ZDHHC17: variants seen among roughly 807,000 people sequenced by gnomAD.
ZDHHC17 encodes the protein palmitoyltransferase ZDHHC17.
In ZDHHC17, 40 loss-of-function variants were observed where a neutral mutation model predicts 90.3. The ratio of observed to expected loss-of-function variants is 0.44; its 90% CI spans 0.34 to 0.58. ZDHHC17 has a LOEUF of 0.58. ZDHHC17 is among the 20% of genes least tolerant of loss of function. ZDHHC17 has a pLI of 0.01. For missense variants in ZDHHC17, 614 were observed against 780.8 expected (o/e 0.79, Z 2.55); for synonymous variants, 235 against 252.4 (o/e 0.93, Z 0.65).
chr12:76,799,983 T>G (rs1952867434), intron 2 of ZDHHC17, among the ~76,000 whole-genome samples: 1 of 152,214 alleles, frequency 6.6e-6, no homozygotes, highest in African/African-American at 2.4e-5. Flanking sequence ...TTATACAATG[T>G]TTTTTATGTT....
chr12:76,826,849 T>C, intron 8 of ZDHHC17, 59 bp from the exon 9 acceptor site: 1 of 1,458,970 alleles, frequency 6.9e-7, no homozygotes, highest in African/African-American at 1.5e-5. Context: ...GTAACAATGA[T>C]TCAGATTGAG....
At chr12:76,811,653 G>T (rs1268851131) in intron 5 of ZDHHC17, among the ~76,000 whole-genome samples, 3 of 151,774 alleles carry the variant, frequency 2.0e-5, no homozygotes, top group Non-Finnish European at 2.9e-5. Context: ...TGCACACAAA[G>T]ATAATAAATG....
intron 2 of ZDHHC17, among the ~76,000 whole-genome samples, chr12:76,803,269 A>T (rs866212785): frequency 3.0e-4 from 46 of 152,232 alleles, no homozygotes; most frequent in Middle Eastern, 6.8e-3. Context: ...GAAAAAAAAA[A>T]TTACATGAGA....
chr12:76,846,734 A>G, intron 14 of ZDHHC17, 55 bp downstream of exon 14: 4 of 1,395,564 alleles, frequency 2.9e-6, no homozygotes, highest in Non-Finnish European at 4.0e-6. Context: ...TACTTAGATT[A>G]TACTTACCAC....
intron 6 of ZDHHC17, among the ~76,000 whole-genome samples, chr12:76,815,417 C>G (rs916878374): frequency 4.0e-5 from 6 of 151,714 alleles, no homozygotes; most frequent in Non-Finnish European, 5.9e-5. Flanking sequence ...ATCTGTTTCT[C>G]TTTTAACAAT....
intron 1 of ZDHHC17, among the ~76,000 whole-genome samples, chr12:76,776,234 G>A (rs996559290): frequency 2.0e-5 from 3 of 152,026 alleles, no homozygotes; most frequent in African/African-American, 7.3e-5. Context: ...GTTGAATAAT[G>A]TATAAATTTT....
chr12:76,792,760 G>T (rs886258570), intron 1 of ZDHHC17, among the ~76,000 whole-genome samples: 2 of 151,714 alleles, frequency 1.3e-5, no homozygotes, highest in Non-Finnish European at 2.9e-5. Context: ...GTTCCCCTTA[G>T]AACTTGGAGA....
chr12:76,832,500 A>G (rs563497665), intron 10 of ZDHHC17, among the ~76,000 whole-genome samples: 16 of 152,366 alleles, frequency 1.1e-4, no homozygotes, highest in Admixed American at 8.5e-4. Context: ...TTAGGTTCCT[A>G]TGTGGCTCTG....
intron 7 of ZDHHC17, among the ~76,000 whole-genome samples, chr12:76,818,202 T>C (rs1157276665): frequency 6.6e-6 from 1 of 152,196 alleles, no homozygotes; most frequent in Non-Finnish European, 1.5e-5. Flanking sequence ...ATTACCTGTA[T>C]CTACACTGGT....
intron 5 of ZDHHC17, among the ~76,000 whole-genome samples, chr12:76,811,259 CT>C (rs1426947608): frequency 6.6e-6 from 1 of 152,160 alleles, no homozygotes; most frequent in Non-Finnish European, 1.5e-5. Context: ...GGAGATTATT[CT>C]TGTTATTCTG....
chr12:76,834,119 A>T (rs1247008926), intron 10 of ZDHHC17, among the ~76,000 whole-genome samples: 1 of 152,218 alleles, frequency 6.6e-6, no homozygotes, highest in Non-Finnish European at 1.5e-5. Flanking sequence ...AAGAGCTGGA[A>T]GTGAATATGT....
At chr12:76,774,260 A>ATGTGTG (rs1402270012) in intron 1 of ZDHHC17, among the ~76,000 whole-genome samples, 1 of 78,830 alleles carries the variant, frequency 1.3e-5, no homozygotes, top group Admixed American at 1.5e-4. Context: ...AAAATAAAGA[A>ATGTGTG]TGTGTGTGTA....
chr12:76,785,586 A>G (rs117862862), intron 1 of ZDHHC17, among the ~76,000 whole-genome samples: 1,681 of 152,260 alleles, frequency 0.011, 11 homozygotes, highest in Non-Finnish European at 0.017. Flanking sequence ...ATCCTTAGTC[A>G]TCTGTAATAA....
intron 1 of ZDHHC17, among the ~76,000 whole-genome samples, chr12:76,766,140 G>C (rs1303055091): frequency 6.6e-6 from 1 of 152,222 alleles, no homozygotes; most frequent in African/African-American, 2.4e-5. Context: ...GTATAGGCTT[G>C]AAATTTAGCT....
intron 1 of ZDHHC17, among the ~76,000 whole-genome samples, chr12:76,774,682 C>T (rs1459527140): frequency 6.6e-6 from 1 of 152,224 alleles, no homozygotes; most frequent in Non-Finnish European, 1.5e-5. Flanking sequence ...GGGCAAATTA[C>T]TTAATCTTCT....
intron 12 of ZDHHC17, among the ~76,000 whole-genome samples, chr12:76,843,428 TTTTTTGTTTTG>T (rs2137803914): frequency 6.6e-6 from 1 of 152,154 alleles, no homozygotes; most frequent in African/African-American, 2.4e-5. Context: ...GTAGGTGGTT[TTTTTTGTTTTG>T]TTTTGTATCA....
intron 16 of ZDHHC17, 39 bp downstream of exon 16, chr12:76,849,509 A>G: frequency 2.2e-6 from 3 of 1,367,388 alleles, no homozygotes; most frequent in East Asian, 2.6e-5. Context: ...TTACCTGGTC[A>G]TAAAAATTTT....
chr12:76,809,024 T>C lies in ZDHHC17; in HGVS notation c.321-19T>C. 2.1e-6 allele frequency: 3 copies of C among 1,424,856 alleles called. No homozygotes were observed. Among genetic ancestry groups the C allele is most frequent in the Non-Finnish European group, 2.8e-6 (3 of 1,076,358 alleles). The allele number at this position is 1,424,856 out of a possible 1,614,324, so 88.3% of individuals were successfully genotyped here. On this transcript the variant is annotated intron_variant, in intron 3 of 16. Transcript: ENST00000426126. ...TGAAAATGAAAGTTATTTAAATTAT[T>C]ATAAATTTTGTCTTATAGATACTAT... is the stretch of plus-strand genomic sequence containing the variant.
chr12:76,819,072 A>T (rs755020611), intron 7 of ZDHHC17, among the ~76,000 whole-genome samples: 46 of 152,288 alleles, frequency 3.0e-4, no homozygotes, highest in Non-Finnish European at 6.2e-4. Flanking sequence ...ATAAGAAGGT[A>T]GATTAGGTGT....
Sources: allele counts gnomAD v4.1 joint callset (sites outside exome capture counted in the v4.1 genomes callset), GRCh38; gene constraint gnomAD v4.1.1; transcripts MANE v1.5; gene names NCBI Gene and HGNC (gene_info 2026-07-23, HGNC 2026-07-21).